LIN7A: variants seen among roughly 807,000 people sequenced by gnomAD.
LIN7A encodes the protein protein lin-7 homolog A.
Under a neutral mutation model 29.8 loss-of-function variants are expected in LIN7A, and 25 were observed. The ratio of observed to expected loss-of-function variants is 0.84; its 90% CI spans 0.61 to 1.17. The LOEUF (loss-of-function observed/expected upper bound fraction) is 1.17. Ranked by LOEUF, LIN7A falls within the 50% of genes most tolerant of loss-of-function variation. LIN7A has a pLI of 0.00. For missense variants in LIN7A, 239 were observed against 287.0 expected, an observed-to-expected ratio of 0.83 and a Z score of 1.21; for synonymous variants, 118 against 107.5, an observed-to-expected ratio of 1.10 and a Z score of -0.60.
Position 80,901,340 on chromosome 12 carries a change from G to A in LIN7A, c.83-11971C>T, listed in dbSNP as rs558689156. ...AGCTTCAAGTTTAATTTAATTCGAA[G>A]TCTATGTATTTTACCTTTTCTTCCC... is the stretch of plus-strand genomic sequence containing the variant. On this transcript the variant is annotated intron_variant, in intron 1 of 5. Coordinates refer to ENST00000552864, the MANE Select transcript of LIN7A (RefSeq NM_004664.4). 9.8e-4 allele frequency among the ~76,000 whole-genome samples: 149 copies of A among 152,206 alleles called. 1 individual carries two copies. Among genetic ancestry groups the A allele is most frequent in the African/African-American group, 3.5e-3 (145 of 41,530 alleles).
At chr12:80,913,756 A>G (rs1352242281) in intron 1 of LIN7A, among the ~76,000 whole-genome samples, 1 of 152,122 alleles carries the variant, frequency 6.6e-6, no homozygotes, top group African/African-American at 2.4e-5. Context: ...ACTTACTTTC[A>G]ACTATTTGTT....
chr12:80,881,814 T>C (rs992225372), intron 2 of LIN7A, among the ~76,000 whole-genome samples: 1 of 152,178 alleles, frequency 6.6e-6, no homozygotes, highest in Non-Finnish European at 1.5e-5. Flanking sequence ...CCATTTGTAA[T>C]AGTTGGGTAT....
chr12:80,878,269 T>C (rs866666700), intron 2 of LIN7A, among the ~76,000 whole-genome samples: 2 of 152,220 alleles, frequency 1.3e-5, no homozygotes, highest in Non-Finnish European at 1.5e-5. Context: ...AAACACTCTC[T>C]ACACATCATT....
chr12:80,806,059 C>CAG (rs1374876099), intron 5 of LIN7A, among the ~76,000 whole-genome samples: 1 of 151,554 alleles, frequency 6.6e-6, no homozygotes, highest in Non-Finnish European at 1.5e-5. Context: ...GCCTGGGTGA[C>CAG]AGAGAGAGAC....
At chr12:80,839,869 T>G (rs17007444) in intron 4 of LIN7A, among the ~76,000 whole-genome samples, 14,415 of 152,320 alleles carry the variant, frequency 0.095, 746 homozygotes, top group East Asian at 0.19. Flanking sequence ...TCATCTGTTA[T>G]GCTTAAAAAT....
At chr12:80,812,960 T>C (rs576385171) in intron 4 of LIN7A, among the ~76,000 whole-genome samples, 12 of 152,266 alleles carry the variant, frequency 7.9e-5, no homozygotes, top group African/African-American at 2.9e-4. Flanking sequence ...AGAAAAGATA[T>C]TCAAACTCCC....
chr12:80,899,121 A>G (rs1248556928), intron 1 of LIN7A, among the ~76,000 whole-genome samples: 2 of 152,124 alleles, frequency 1.3e-5, no homozygotes, highest in Admixed American at 6.5e-5. Flanking sequence ...TGGGTTTTTC[A>G]TAGATGGCTC....
intron 5 of LIN7A, among the ~76,000 whole-genome samples, chr12:80,807,875 T>C (rs1017278878): frequency 6.6e-6 from 1 of 152,212 alleles, no homozygotes; most frequent in Non-Finnish European, 1.5e-5. Flanking sequence ...AGCCTCCTAA[T>C]TGGTCTCTGC....
At chr12:80,863,738 A>T (rs984324515) in intron 2 of LIN7A, among the ~76,000 whole-genome samples, 1 of 152,164 alleles carries the variant, frequency 6.6e-6, no homozygotes, top group African/African-American at 2.4e-5. Context: ...TTAAGGATCA[A>T]GTTATAGACA....
chr12:80,905,741 T>A (rs1281142946), intron 1 of LIN7A, among the ~76,000 whole-genome samples: 1 of 152,198 alleles, frequency 6.6e-6, no homozygotes, highest in African/African-American at 2.4e-5. Context: ...CTCTTTCACA[T>A]TTAATTTTGG....
intron 4 of LIN7A, among the ~76,000 whole-genome samples, chr12:80,834,772 G>C (rs1409483070): frequency 6.6e-6 from 1 of 152,114 alleles, no homozygotes; most frequent in Admixed American, 6.5e-5. Context: ...TTCTGTTTTT[G>C]AGAATATAAT....
intron 5 of LIN7A, among the ~76,000 whole-genome samples, chr12:80,803,951 G>A (rs78307033): frequency 6.6e-6 from 1 of 152,192 alleles, no homozygotes; most frequent in Non-Finnish European, 1.5e-5. Context: ...ATAAGAGCAA[G>A]AGGCTTTAAA....
chr12:80,828,909 C>T (rs1034342338), intron 4 of LIN7A, among the ~76,000 whole-genome samples: 11 of 151,944 alleles, frequency 7.2e-5, no homozygotes, highest in African/African-American at 2.4e-4. Flanking sequence ...GGGGCTGGAA[C>T]GGATTGAGGA....
At chr12:80,876,707 A>G (rs1874721605) in intron 2 of LIN7A, among the ~76,000 whole-genome samples, 1 of 152,206 alleles carries the variant, frequency 6.6e-6, no homozygotes. Flanking sequence ...TCCATTGGTG[A>G]AAATTTAAAT....
intron 4 of LIN7A, among the ~76,000 whole-genome samples, chr12:80,839,466 C>A (rs1361150383): frequency 6.6e-6 from 1 of 152,148 alleles, no homozygotes; most frequent in Non-Finnish European, 1.5e-5. Flanking sequence ...ATATAGAGAG[C>A]TTTGACTATA....
intron 4 of LIN7A, chr12:80,832,690 C>A (rs975056244): frequency 3.0e-5 from 13 of 435,162 alleles, no homozygotes; most frequent in Non-Finnish European, 6.0e-5. Context: ...TCTTTAGCTA[C>A]AAACATGTTG....
chr12:80,900,948 G>A (rs909659221), intron 1 of LIN7A, among the ~76,000 whole-genome samples: 1 of 152,120 alleles, frequency 6.6e-6, no homozygotes, highest in African/African-American at 2.4e-5. Context: ...CGAAGGGTAT[G>A]ACTTGAAAAT....
intron 1 of LIN7A, chr12:80,936,509 A>G (rs1220437256): frequency 6.6e-6 from 1 of 152,072 alleles, no homozygotes; most frequent in Admixed American, 6.5e-5. Flanking sequence ...GGACTAAATC[A>G]TTTTCTTCTG....
At chr12:80,830,459 G>T (rs572932856) in intron 4 of LIN7A, among the ~76,000 whole-genome samples, 1 of 152,042 alleles carries the variant, frequency 6.6e-6, no homozygotes, top group Non-Finnish European at 1.5e-5. Context: ...CTCTGCAGAC[G>T]CTTGGCTTAG....
Sources: gnomAD v4.1 joint callset for allele counts (sites outside exome capture counted in the v4.1 genomes callset) on GRCh38, gnomAD v4.1.1 for gene constraint, MANE v1.5 for transcripts, NCBI Gene and HGNC (gene_info 2026-07-23, HGNC 2026-07-21) for gene names.